IL1RAPL1: variants seen among roughly 807,000 people sequenced by gnomAD.
IL1RAPL1 encodes interleukin 1 receptor accessory protein like 1.
Under a neutral mutation model 48.4 loss-of-function variants are expected in IL1RAPL1, and 3 were observed. That is an observed-to-expected ratio of 0.06 (90% CI 0.03 to 0.16). The LOEUF (loss-of-function observed/expected upper bound fraction) is 0.16. IL1RAPL1 is among the 10% of genes least tolerant of loss of function. The probability of loss-of-function intolerance (pLI) is 1.00; values close to 1 mark genes in which losing one functional copy is unlikely to be tolerated. For synonymous variants in IL1RAPL1, 185 were observed against 187.7 expected (o/e 0.99, Z 0.12); for missense variants, 349 against 530.6 (o/e 0.66, Z 3.36).
Position 29,045,898 on chromosome X carries a change from A to ACCT in IL1RAPL1, c.83-237024_83-237022dup, listed in dbSNP as rs200493716. The stretch of plus-strand genomic sequence containing the variant: ...TTTAAATTTTTCTTCCTCCTCCTCC[A>ACCT]CCTCCTCCTCCTCCTCCTTCTTCCT... On this transcript the variant is annotated intron_variant, in intron 2 of 10. Transcript: ENST00000378993. 6.0e-5 allele frequency among the ~76,000 whole-genome samples: 4 copies of ACCT among 67,178 alleles called. 1 individual carries two copies. The East Asian group carries it at 1.8e-3, about 29-fold the overall frequency. The allele number at this position is 67,178 out of a possible 115,157, so 58.3% of individuals were successfully genotyped here.
At chrX:28,676,732 G>A (rs867739793) in intron 1 of IL1RAPL1, among the ~76,000 whole-genome samples, 4 of 95,815 alleles carry the variant, frequency 4.2e-5, no homozygotes, top group Admixed American at 1.2e-4. Context: ...GAGTCTGACT[G>A]AAAAAAAAAA....
At position 29,766,157 on chromosome X, in the gene IL1RAPL1, C is replaced by T. The variant is rs762963057; in HGVS notation, c.778+97653C>T. On this transcript the variant is annotated intron_variant, in intron 6 of 10. Transcript: ENST00000378993. ...CATCCTGGCCAACATGGTGAAACCC[C>T]GTCTCTACTAAAATACAAAAATTAG... 5.7e-5 allele frequency among the ~76,000 whole-genome samples: 6 copies of T among 106,021 alleles called. No homozygotes were observed. The South Asian group carries it at 2.5e-3, about 44-fold the overall frequency. 92.1% of individuals were successfully genotyped at this position (106,021 alleles called of 115,157 possible).
At chrX:29,894,498 AATC>A (rs1306916951) in intron 6 of IL1RAPL1, among the ~76,000 whole-genome samples, 1 of 112,205 alleles carries the variant, frequency 8.9e-6, no homozygotes, top group Non-Finnish European at 1.9e-5. Flanking sequence ...TCACTAGATA[AATC>A]ATCAACGTTT....
At chrX:28,859,588 A>G (rs1921889971) in intron 2 of IL1RAPL1, among the ~76,000 whole-genome samples, 1 of 110,657 alleles carries the variant, frequency 9.0e-6, no homozygotes, top group African/African-American at 3.3e-5. Flanking sequence ...TACGTATTTC[A>G]AAATCTCTCC....
intron 2 of IL1RAPL1, among the ~76,000 whole-genome samples, chrX:29,117,891 AC>A (rs1928707464): frequency 9.0e-6 from 1 of 111,546 alleles, no homozygotes; most frequent in Admixed American, 9.5e-5. Flanking sequence ...AGTTTTGTCC[AC>A]GTTAATTTTG....
chrX:28,731,606 G>A (rs778960755), intron 1 of IL1RAPL1, among the ~76,000 whole-genome samples: 63 of 111,656 alleles, frequency 5.6e-4, no homozygotes, highest in African/African-American at 2.0e-3. Flanking sequence ...TTATCAGTGC[G>A]TGAAAGGTCA....
intron 6 of IL1RAPL1, among the ~76,000 whole-genome samples, chrX:29,698,475 A>G (rs753295486): frequency 9.0e-6 from 1 of 111,207 alleles, no homozygotes; most frequent in South Asian, 3.8e-4. Context: ...GTAACTCTGG[A>G]ATAACTTTGT....
chrX:28,823,598 G>A (rs1936960648), intron 2 of IL1RAPL1, among the ~76,000 whole-genome samples: 1 of 111,680 alleles, frequency 9.0e-6, no homozygotes, highest in Admixed American at 9.6e-5. Context: ...GAGGTCAGAA[G>A]TCCAAAATGG....
intron 2 of IL1RAPL1, among the ~76,000 whole-genome samples, chrX:28,925,697 C>T (rs1923724209): frequency 9.0e-6 from 1 of 111,389 alleles, no homozygotes; most frequent in African/African-American, 3.3e-5. Flanking sequence ...CTGAGGCGGG[C>T]GGATCACAAG....
At chrX:28,695,321 C>G (rs1301721306) in intron 1 of IL1RAPL1, among the ~76,000 whole-genome samples, 1 of 110,810 alleles carries the variant, frequency 9.0e-6, no homozygotes, top group African/African-American at 3.3e-5. Context: ...GTTGCCTCCC[C>G]TGGCCACATA....
At chrX:29,285,495 G>T (rs1932268451) in intron 3 of IL1RAPL1, among the ~76,000 whole-genome samples, 1 of 76,125 alleles carries the variant, frequency 1.3e-5, no homozygotes, top group Non-Finnish European at 2.2e-5. Context: ...TCGCGCCATT[G>T]CACTGGCAAC....
At chrX:29,108,370 A>G (rs924060528) in intron 2 of IL1RAPL1, among the ~76,000 whole-genome samples, 1 of 110,544 alleles carries the variant, frequency 9.0e-6, no homozygotes, top group Admixed American at 9.7e-5. Flanking sequence ...GGCTATTACA[A>G]ATAATGTTAC....
chrX:29,504,790 C>A (rs1177178901), intron 5 of IL1RAPL1, among the ~76,000 whole-genome samples: 2 of 112,104 alleles, frequency 1.8e-5, no homozygotes, highest in Non-Finnish European at 3.8e-5. Context: ...ATCCATTCAG[C>A]AGCTTTATGC....
chrX:29,283,825 C>G (rs1932239563), intron 3 of IL1RAPL1, among the ~76,000 whole-genome samples: 1 of 111,486 alleles, frequency 9.0e-6, no homozygotes, highest in African/African-American at 3.3e-5. Context: ...GGATACCCAC[C>G]ATACATCTAC....
intron 1 of IL1RAPL1, among the ~76,000 whole-genome samples, chrX:28,603,953 G>A (rs1459864161): frequency 8.9e-6 from 1 of 112,389 alleles, no homozygotes; most frequent in Non-Finnish European, 1.9e-5. Context: ...CAAGCTGATA[G>A]CTTAGAACCT....
In IL1RAPL1 at chrX:29,904,184, A is replaced by G. The variant is rs367874482; in HGVS notation, c.779-13280A>G. On this transcript the variant is annotated intron_variant, in intron 6 of 10. Transcript: ENST00000378993. ...AGGAGTTTTTTCGATATCTAAATGGAAGAGGGTACGGAAGAGCTGTGGTGG... is the reference window on the plus strand; with the variant it reads ...AGGAGTTTTTTCGATATCTAAATGGGAGAGGGTACGGAAGAGCTGTGGTGG... Among the ~76,000 whole-genome samples, 47 of 111,245 alleles carry G rather than the reference A, an allele frequency of 4.2e-4. No homozygotes were observed. The East Asian group carries it at 5.1e-3, about 12-fold the overall frequency.
chrX:29,954,235 C>CCAAAAAAA (rs1933371456), intron 9 of IL1RAPL1, among the ~76,000 whole-genome samples: 1 of 30,422 alleles, frequency 3.3e-5, no homozygotes, highest in Admixed American at 5.5e-4. Context: ...GACTGTGTCC[C>CCAAAAAAA]AAAAAAAAAA....
At chrX:29,083,981 C>T (rs2043625311) in intron 2 of IL1RAPL1, among the ~76,000 whole-genome samples, 1 of 111,055 alleles carries the variant, frequency 9.0e-6, no homozygotes, top group Non-Finnish European at 1.9e-5. Context: ...GAATAGGTAG[C>T]CAAGCAACTG....
At chrX:29,380,678 T>C (rs1602205190) in intron 3 of IL1RAPL1, among the ~76,000 whole-genome samples, 1 of 112,482 alleles carries the variant, frequency 8.9e-6, no homozygotes, top group Non-Finnish European at 1.9e-5. Flanking sequence ...ATAAATGCAA[T>C]ATTTACCTTG....
Sources: allele counts gnomAD v4.1 joint callset (sites outside exome capture counted in the v4.1 genomes callset), GRCh38; gene constraint gnomAD v4.1.1; transcripts MANE v1.5; gene names NCBI Gene and HGNC (gene_info 2026-07-23, HGNC 2026-07-21).